The following SLCO1A2 variants were observed in gnomAD, a reference collection of about 807,000 sequenced individuals.
The protein encoded by SLCO1A2 is solute carrier organic anion transporter family member 1A2, also known as OATP-1.
SLCO1A2 carries 67 observed loss-of-function variants against 69.0 expected under a neutral mutation model. The observed-to-expected ratio is 0.97, with a 90% CI of 0.80 to 1.19. SLCO1A2 has a LOEUF of 1.19. Ranked by LOEUF, SLCO1A2 falls within the 50% of genes most tolerant of loss-of-function variation. SLCO1A2 has a pLI of 0.00. For missense variants in SLCO1A2, 787 were observed against 793.7 expected, an observed-to-expected ratio of 0.99 and a Z score of 0.10; for synonymous variants, 260 against 265.9, an observed-to-expected ratio of 0.98 and a Z score of 0.22.
chr12:21,369,705 C>T (rs1045427148), intron 2 of SLCO1A2, among the ~76,000 whole-genome samples: 7 of 152,134 alleles, frequency 4.6e-5, no homozygotes, highest in Admixed American at 1.3e-4. Flanking sequence ...AGAGTGGATC[C>T]AAGGTGGGGC....
chr12:21,324,010 T>C (rs1043697375), intron 2 of SLCO1A2, among the ~76,000 whole-genome samples: 1 of 152,204 alleles, frequency 6.6e-6, no homozygotes, highest in Non-Finnish European at 1.5e-5. Flanking sequence ...TTTGCATCTC[T>C]AGTCTTGAGA....
intron 4 of SLCO1A2, among the ~76,000 whole-genome samples, chr12:21,314,112 T>G (rs973392212): frequency 3.3e-5 from 5 of 152,178 alleles, no homozygotes; most frequent in Non-Finnish European, 7.4e-5. Flanking sequence ...TGTAAGCTTT[T>G]TTGTAATAGT....
intron 1 of SLCO1A2, among the ~76,000 whole-genome samples, chr12:21,390,417 A>G (rs999895316): frequency 2.6e-5 from 4 of 152,178 alleles, no homozygotes; most frequent in East Asian, 1.9e-4. Context: ...AATCTGAAAT[A>G]CAAATATATT....
chr12:21,272,797 G>GT (rs1351327027), intron 14 of SLCO1A2, among the ~76,000 whole-genome samples: 11 of 152,032 alleles, frequency 7.2e-5, no homozygotes, highest in African/African-American at 2.7e-4. Context: ...TTTGTGTGGG[G>GT]TTTTTTCTTA....
intron 12 of SLCO1A2, among the ~76,000 whole-genome samples, chr12:21,285,103 C>T (rs1401728086): frequency 7.7e-6 from 1 of 130,360 alleles, no homozygotes; most frequent in Non-Finnish European, 1.7e-5. Context: ...AATTGATAGA[C>T]CACTAGCAAG....
At chr12:21,345,206 C>A (rs1953213795) in intron 2 of SLCO1A2, among the ~76,000 whole-genome samples, 1 of 151,788 alleles carries the variant, frequency 6.6e-6, no homozygotes, top group Non-Finnish European at 1.5e-5. Flanking sequence ...GTTTATGGTG[C>A]AAATTCAGTT....
At chr12:21,396,340 T>C (rs1228545694), upstream of SLCO1A2, among the ~76,000 whole-genome samples, 4 of 148,372 alleles carry the variant, frequency 2.7e-5, no homozygotes, top group African/African-American at 7.5e-5. Flanking sequence ...TAAAAAGAAA[T>C]GAGCAAAGCC....
Position 21,275,424 on chromosome 12 carries a change from C to G in SLCO1A2, c.1611G>C (p.Arg537Ser). Reference sequence around the variant, plus strand: ...GGGACTTCTCTTCAGATTTCATACACCTGAAAAGTAAATAAGTTTGTAAAT... The same window carrying G: ...GGGACTTCTCTTCAGATTTCATACAGCTGAAAAGTAAATAAGTTTGTAAAT... ...AAIPGYMVLL[R>S]CMKSEEKSLG... Residue 537 changes from arginine (R) to serine (S), a missense_variant and splice_region_variant, in exon 13 of 15, where the codon AGG becomes AGC. By Grantham distance (110) the Arg-to-Ser change is moderately radical (BLOSUM62 -1). Coordinates refer to ENST00000683939, the MANE Select transcript of SLCO1A2 (RefSeq NM_001386879.1). 1 of 1,467,434 alleles carries G rather than the reference C, an allele frequency of 6.8e-7. No homozygotes were observed. The highest frequency in any genetic ancestry group is 2.3e-5 in the East Asian group (1 of 42,612). The allele number at this position is 1,467,434 out of a possible 1,614,324, so 90.9% of individuals were successfully genotyped here. A position where few individuals can be genotyped will look rare whatever the true frequency, so the allele number is the denominator to read the frequency against.
intron 12 of SLCO1A2, among the ~76,000 whole-genome samples, chr12:21,283,341 T>C (rs11833627): frequency 0.063 from 9,550 of 152,172 alleles, 1,001 homozygotes; most frequent in African/African-American, 0.22. Context: ...CTTCAATAAA[T>C]GGTGCAGGGA....
chr12:21,399,908 A>G (rs1465456515), upstream of SLCO1A2, among the ~76,000 whole-genome samples: 1 of 151,568 alleles, frequency 6.6e-6, no homozygotes, highest in East Asian at 1.9e-4. Context: ...CGTTAGACCT[A>G]AAACCATAAA....
intron 4 of SLCO1A2, among the ~76,000 whole-genome samples, chr12:21,308,865 C>G (rs1048552293): frequency 2.7e-4 from 41 of 152,126 alleles, no homozygotes; most frequent in African/African-American, 9.6e-4. Context: ...GTTATTCCTC[C>G]CTCTTAAATG....
chr12:21,378,410 A>G lies in SLCO1A2; in HGVS notation c.-189-3885T>C, dbSNP rs147525401. ...GAGGTTTTAAAGAGAGAGCCACTGAATTACTTGCCCCTTTAGAGGACAATG... is the reference window on the plus strand; with the variant it reads ...GAGGTTTTAAAGAGAGAGCCACTGAGTTACTTGCCCCTTTAGAGGACAATG... On this transcript the variant is annotated intron_variant, in intron 1 of 15. Transcript: ENST00000307378. 280 of 1,613,498 alleles carry G rather than the reference A, an allele frequency of 1.7e-4. 1 individual carries two copies. In the African/African-American group the frequency reaches 3.1e-3, roughly 18 times the overall value.
At chr12:21,396,775 C>G (rs1183750607), upstream of SLCO1A2, among the ~76,000 whole-genome samples, 2 of 151,932 alleles carry the variant, frequency 1.3e-5, no homozygotes, top group Admixed American at 1.3e-4. Context: ...CCAAACTAAG[C>G]TTCATAAGTG....
chr12:21,387,572 G>T (rs1191520054), intron 1 of SLCO1A2, among the ~76,000 whole-genome samples: 4 of 152,210 alleles, frequency 2.6e-5, no homozygotes, highest in Non-Finnish European at 5.9e-5. Flanking sequence ...CAGAAGTCAA[G>T]AATTGAGGTT....
intron 12 of SLCO1A2, among the ~76,000 whole-genome samples, chr12:21,281,822 G>T (rs1212504793): frequency 6.6e-6 from 1 of 151,906 alleles, no homozygotes; most frequent in Non-Finnish European, 1.5e-5. Context: ...CCAATAACTT[G>T]GAAAACCTAG....
At chr12:21,333,079 C>T (rs1186861104) in intron 2 of SLCO1A2, among the ~76,000 whole-genome samples, 1 of 152,038 alleles carries the variant, frequency 6.6e-6, no homozygotes, top group Non-Finnish European at 1.5e-5. Flanking sequence ...CACTATAAAC[C>T]TTCTCAGAGT....
At chr12:21,376,614 T>C (rs1235480677) in intron 1 of SLCO1A2, among the ~76,000 whole-genome samples, 1 of 152,048 alleles carries the variant, frequency 6.6e-6, no homozygotes, top group Non-Finnish European at 1.5e-5. Flanking sequence ...GTTCACCTAA[T>C]GCTGTAAGAA....
intron 14 of SLCO1A2, among the ~76,000 whole-genome samples, chr12:21,271,203 C>T (rs10841782): frequency 0.089 from 13,544 of 151,776 alleles, 1,001 homozygotes; most frequent in East Asian, 0.35. Context: ...TGTTTTACCT[C>T]ATTAATTGGA....
intron 5 of SLCO1A2, among the ~76,000 whole-genome samples, chr12:21,306,163 C>T (rs906702388): frequency 2.0e-5 from 3 of 152,234 alleles, no homozygotes; most frequent in East Asian, 1.9e-4. Context: ...CTGTTTTCCC[C>T]GCTATTAAAG....
Sources: gnomAD v4.1 joint callset for allele counts (sites outside exome capture counted in the v4.1 genomes callset) on GRCh38, gnomAD v4.1.1 for gene constraint, MANE v1.5 for transcripts, NCBI Gene and HGNC (gene_info 2026-07-23, HGNC 2026-07-21) for gene names.